Variants in LRMDA observed in about 807,000 individuals in gnomAD.
The protein encoded by LRMDA is leucine rich melanocyte differentiation associated.
LRMDA carries 18 observed loss-of-function variants against 29.8 expected under a neutral mutation model. That is an observed-to-expected ratio of 0.60 (90% CI 0.42 to 0.90). The LOEUF (loss-of-function observed/expected upper bound fraction) is 0.90, where lower values mean the gene tolerates loss of function less well. Ranked by LOEUF, LRMDA falls within the 40% of genes least tolerant of loss-of-function variation. LRMDA has a pLI of 0.00. For synonymous variants in LRMDA, 125 were observed against 109.4 expected, an observed-to-expected ratio of 1.14 and a Z score of -0.89; for missense variants, 273 against 273.9, an observed-to-expected ratio of 1.00 and a Z score of 0.02.
At chr10:76,542,217 A>G (rs1380350329) in intron 6 of LRMDA, among the ~76,000 whole-genome samples, 1 of 152,084 alleles carries the variant, frequency 6.6e-6, no homozygotes, top group African/African-American at 2.4e-5. Flanking sequence ...ATAATAGATG[A>G]CCTGCATTTA....
intron 2 of LRMDA, among the ~76,000 whole-genome samples, chr10:75,603,388 A>C (rs1242117735): frequency 6.6e-6 from 1 of 152,184 alleles, no homozygotes; most frequent in Non-Finnish European, 1.5e-5. Flanking sequence ...AGTAATTACT[A>C]TCCAGGACTT....
chr10:75,666,813 G>C (rs1841828543), intron 2 of LRMDA, among the ~76,000 whole-genome samples: 1 of 152,056 alleles, frequency 6.6e-6, no homozygotes, highest in South Asian at 2.1e-4. Context: ...TTAGCCAGAT[G>C]GGTCCAGTAC....
chr10:76,254,342 T>TACCATA lies in LRMDA; in HGVS notation c.517-70059_517-70058insACCATA, dbSNP rs71024595. Among the ~76,000 whole-genome samples, 847 of 138,844 alleles carry TACCATA rather than the reference T, an allele frequency of 6.1e-3. 32 individuals are homozygous for TACCATA. Among genetic ancestry groups the TACCATA allele is most frequent in the East Asian group, 0.013 (54 of 4,218 alleles). 91.1% of individuals were successfully genotyped at this position (138,844 alleles called of 152,430 possible). ...TACCATACCATACCATACCATACCATCCTATCCTATCCTATCCTATGCTAT... is the reference window on the plus strand; with the variant it reads ...TACCATACCATACCATACCATACCATACCATACCTATCCTATCCTATCCTATGCTAT... On this transcript the variant is annotated intron_variant, in intron 5 of 6. Transcript: ENST00000611255.
intron 2 of LRMDA, among the ~76,000 whole-genome samples, chr10:75,670,110 C>T (rs1374532640): frequency 1.3e-5 from 2 of 152,184 alleles, no homozygotes; most frequent in African/African-American, 4.8e-5. Context: ...TAGAAGAAGA[C>T]ATTTGCGTCT....
At chr10:76,124,429 C>T (rs533470271) in intron 5 of LRMDA, among the ~76,000 whole-genome samples, 2 of 152,344 alleles carry the variant, frequency 1.3e-5, no homozygotes, top group African/African-American at 2.4e-5. Flanking sequence ...CCTTTCTTTC[C>T]TCTACACTTA....
At chr10:75,946,986 G>C (rs999925817) in intron 2 of LRMDA, among the ~76,000 whole-genome samples, 1 of 152,190 alleles carries the variant, frequency 6.6e-6, no homozygotes, top group African/African-American at 2.4e-5. Context: ...GCCTGTAGCT[G>C]GTTAGGGGCA....
At chr10:75,685,800 G>A (rs1340450442) in intron 2 of LRMDA, among the ~76,000 whole-genome samples, 3 of 152,160 alleles carry the variant, frequency 2.0e-5, no homozygotes, top group Non-Finnish European at 4.4e-5. Flanking sequence ...ATGTGAGTAT[G>A]GGATATGGAA....
intron 4 of LRMDA, among the ~76,000 whole-genome samples, chr10:76,049,336 T>C (rs1848493087): frequency 6.6e-6 from 1 of 152,148 alleles, no homozygotes; most frequent in Non-Finnish European, 1.5e-5. Context: ...CTAGTCAAAA[T>C]TAACTTAGAA....
intron 2 of LRMDA, among the ~76,000 whole-genome samples, chr10:75,795,814 T>C (rs962276642): frequency 6.6e-6 from 1 of 152,230 alleles, no homozygotes; most frequent in African/African-American, 2.4e-5. Flanking sequence ...TGGGATTTTA[T>C]TGACTCTATG....
chr10:76,408,960 C>T (rs547138562), intron 6 of LRMDA, among the ~76,000 whole-genome samples: 34 of 152,234 alleles, frequency 2.2e-4, no homozygotes, highest in Non-Finnish European at 4.3e-4. Context: ...CTGGTAGGAG[C>T]TCAAAAAATA....
chr10:76,375,861 C>A (rs1841510831), intron 6 of LRMDA, among the ~76,000 whole-genome samples: 2 of 151,592 alleles, frequency 1.3e-5, no homozygotes, highest in African/African-American at 2.4e-5. Flanking sequence ...TTAGTTTTAA[C>A]ACTACAGAAA....
At chr10:76,337,933 T>G (rs1840989280) in intron 6 of LRMDA, among the ~76,000 whole-genome samples, 1 of 152,192 alleles carries the variant, frequency 6.6e-6, no homozygotes, top group African/African-American at 2.4e-5. Flanking sequence ...GGTTTGCTTA[T>G]GTAGGAATCC....
Position 75,579,807 on chromosome 10 carries a change from C to T in LRMDA, c.131+141313C>T, listed in dbSNP as rs953849278. 6.2e-4 allele frequency among the ~76,000 whole-genome samples: 95 copies of T among 152,124 alleles called. 1 individual carries two copies. Among genetic ancestry groups the T allele is most frequent in the African/African-American group, 2.1e-3 (88 of 41,408 alleles). ...AACATAATCCATCACATAAACAGAA[C>T]CAATGACAAAAATCACATGTTTATC... On this transcript the variant is annotated intron_variant, in intron 2 of 6. Coordinates refer to ENST00000611255, the MANE Select transcript of LRMDA (RefSeq NM_001305581.2).
chr10:75,594,058 G>A (rs1354077797), intron 2 of LRMDA, among the ~76,000 whole-genome samples: 3 of 152,218 alleles, frequency 2.0e-5, no homozygotes, highest in African/African-American at 7.2e-5. Flanking sequence ...TTTTGTCCCA[G>A]TAAATGTAGA....
At chr10:75,512,357 A>AT (rs56982317) in intron 2 of LRMDA, among the ~76,000 whole-genome samples, 16,259 of 145,062 alleles carry the variant, frequency 0.11, 1,075 homozygotes, top group Middle Eastern at 0.27. Context: ...GTGAGCTGTT[A>AT]TTTTTTTTTT....
At chr10:76,012,132 A>T (rs1303347964) in intron 2 of LRMDA, among the ~76,000 whole-genome samples, 2 of 152,140 alleles carry the variant, frequency 1.3e-5, no homozygotes, top group Non-Finnish European at 2.9e-5. Flanking sequence ...TGGTTCCTGG[A>T]GCGCAGTTAA....
chr10:75,718,783 G>C (rs1842531712), intron 2 of LRMDA, among the ~76,000 whole-genome samples: 1 of 152,140 alleles, frequency 6.6e-6, no homozygotes, highest in Non-Finnish European at 1.5e-5. Flanking sequence ...GAATACATAA[G>C]AATAATGAGT....
intron 5 of LRMDA, among the ~76,000 whole-genome samples, chr10:76,126,385 G>GT (rs991596591): frequency 6.6e-6 from 1 of 152,136 alleles, no homozygotes; most frequent in African/African-American, 2.4e-5. Flanking sequence ...GGTTCTGTTT[G>GT]TTTTTTCATG....
rs1850856222 is a variant in LRMDA at position 76,172,444 on chromosome 10, CTGAGTTGAGATGAAG to C, written c.516+113663_516+113677del. Among the ~76,000 whole-genome samples the C allele has an allele frequency of 2.0e-5, 3 of 152,246 alleles. No individual in the cohort carries two copies. The South Asian group carries it at 6.2e-4, about 32-fold the overall frequency. On this transcript the variant is annotated intron_variant, in intron 5 of 6. Coordinates refer to ENST00000611255, the MANE Select transcript of LRMDA (RefSeq NM_001305581.2). Reference sequence around the variant, plus strand: ...CAACTCAAACAGTCCTCTGGTCTCCCTGAGTTGAGATGAAGTTGAGAATTAGGGGAGACCAAAGTG... The same window carrying C: ...CAACTCAAACAGTCCTCTGGTCTCCCTTGAGAATTAGGGGAGACCAAAGTG...
Sources: allele counts gnomAD v4.1 joint callset (sites outside exome capture counted in the v4.1 genomes callset), GRCh38; gene constraint gnomAD v4.1.1; transcripts MANE v1.5; gene names NCBI Gene and HGNC (gene_info 2026-07-23, HGNC 2026-07-21).